The following FILIP1L variants were observed in gnomAD, a reference collection of about 807,000 sequenced individuals.
The protein encoded by FILIP1L is filamin A interacting protein 1 like, also known as filamin A-interacting protein 1-like.
In FILIP1L, 55 loss-of-function variants were observed where a neutral mutation model predicts 96.6. The observed-to-expected ratio is 0.57, with a 90% CI of 0.46 to 0.71. The LOEUF (loss-of-function observed/expected upper bound fraction) is 0.71. FILIP1L is among the 30% of genes least tolerant of loss of function. FILIP1L has a pLI of 0.00. For synonymous variants in FILIP1L, 467 were observed against 473.9 expected (o/e 0.99, Z 0.19); for missense variants, 1,304 against 1,321.2 (o/e 0.99, Z 0.20).
intron 1 of FILIP1L, among the ~76,000 whole-genome samples, chr3:99,961,622 G>C (rs1039777788): frequency 7.2e-5 from 11 of 152,070 alleles, no homozygotes; most frequent in African/African-American, 2.7e-4. Flanking sequence ...AGCTGGAAAG[G>C]CTCCTGGGAA....
At chr3:99,843,609 CACCTA>C (rs1305641188) in intron 5 of FILIP1L, among the ~76,000 whole-genome samples, 2 of 152,156 alleles carry the variant, frequency 1.3e-5, no homozygotes, top group Non-Finnish European at 2.9e-5. Flanking sequence ...ATGTTTAATA[CACCTA>C]ACCTACTGAA....
At chr3:100,033,199 A>G (rs532397012) in intron 1 of FILIP1L, among the ~76,000 whole-genome samples, 2 of 152,344 alleles carry the variant, frequency 1.3e-5, no homozygotes, top group African/African-American at 4.8e-5. Flanking sequence ...AGAAAAAATC[A>G]AACTAATTGT....
At chr3:100,059,427 T>C (rs1386869969) in intron 1 of FILIP1L, among the ~76,000 whole-genome samples, 1 of 152,232 alleles carries the variant, frequency 6.6e-6, no homozygotes, top group African/African-American at 2.4e-5. Flanking sequence ...TTTCCCCTGC[T>C]TCTTCACTCT....
chr3:99,974,576 G>A (rs1157670643), intron 1 of FILIP1L, among the ~76,000 whole-genome samples: 1 of 152,086 alleles, frequency 6.6e-6, no homozygotes, highest in African/African-American at 2.4e-5. Flanking sequence ...GGGTGGTGGT[G>A]TGTGCCTGTA....
chr3:100,023,938 TAAAG>T (rs1207717844), intron 1 of FILIP1L, among the ~76,000 whole-genome samples: 1 of 152,158 alleles, frequency 6.6e-6, no homozygotes, highest in Non-Finnish European at 1.5e-5. Flanking sequence ...TGCTAGCAGT[TAAAG>T]AAATCTTTAC....
At chr3:99,938,050 A>AGTGTGTGTGTGTGTGTGTGTGT in intron 1 of FILIP1L, among the ~76,000 whole-genome samples, 1 of 149,002 alleles carries the variant, frequency 6.7e-6, no homozygotes, top group African/African-American at 2.5e-5. Flanking sequence ...AGGCTCAGGA[A>AGTGTGTGTGTGTGTGTGTGTGT]GTGTGTGTGT....
intron 1 of FILIP1L, among the ~76,000 whole-genome samples, chr3:100,053,082 A>G (rs570733826): frequency 2.0e-5 from 3 of 152,238 alleles, no homozygotes; most frequent in Admixed American, 2.0e-4. Flanking sequence ...CCTTGTTGAC[A>G]GTATGCTTCC....
chr3:99,976,749 C>CA (rs1385568608), intron 1 of FILIP1L, among the ~76,000 whole-genome samples: 1 of 152,126 alleles, frequency 6.6e-6, no homozygotes, highest in Admixed American at 6.5e-5. Flanking sequence ...TTACCCTACT[C>CA]AGAGTTCTTC....
chr3:99,960,146 C>T (rs1361606023), intron 1 of FILIP1L, among the ~76,000 whole-genome samples: 2 of 152,172 alleles, frequency 1.3e-5, no homozygotes, highest in Non-Finnish European at 2.9e-5. Flanking sequence ...AGCTCACAAC[C>T]TGCCAAGTAC....
At chr3:99,905,306 C>A (rs1418671528) in intron 4 of FILIP1L, among the ~76,000 whole-genome samples, 2 of 152,162 alleles carry the variant, frequency 1.3e-5, no homozygotes, top group Admixed American at 1.3e-4. Context: ...TCCATCTAGT[C>A]CCATGTGTGC....
At chr3:100,054,933 C>T (rs1489583438) in intron 1 of FILIP1L, among the ~76,000 whole-genome samples, 1 of 152,204 alleles carries the variant, frequency 6.6e-6, no homozygotes, top group African/African-American at 2.4e-5. Flanking sequence ...TTAATCACAA[C>T]ATAGTTCCTT....
At chr3:99,999,319 T>C (rs1293694800) in intron 1 of FILIP1L, among the ~76,000 whole-genome samples, 2 of 152,224 alleles carry the variant, frequency 1.3e-5, no homozygotes, top group East Asian at 3.8e-4. Context: ...TTACTGTGTT[T>C]CTCTCCCACT....
At position 99,930,974 on chromosome 3, in the gene FILIP1L, A is replaced by G; in HGVS notation, c.47T>C (p.Phe16Ser). The change falls in exon 2 of 6, where the codon TTT becomes TCT. Residue 16 changes from phenylalanine to serine, a missense_variant. By Grantham distance (155) the Phe-to-Ser change is radical. Coordinates refer to ENST00000477258, the MANE Select transcript of FILIP1L (RefSeq NM_001387850.1). Reference protein sequence around the residue: ...SDTEGSAQKKFPRHTKGHSFQ... With the variant: ...SDTEGSAQKKSPRHTKGHSFQ... ...ACTGTGGCCTTTAGTATGTCTTGGA[A>G]ATTTCTTTTGGGCTGAGCCCTCGGT... 1 of 1,613,622 alleles carries G rather than the reference A, an allele frequency of 6.2e-7. No homozygotes were observed. Among genetic ancestry groups the G allele is most frequent in the Non-Finnish European group, 8.5e-7 (1 of 1,179,914 alleles).
intron 4 of FILIP1L, among the ~76,000 whole-genome samples, chr3:99,874,991 T>C (rs1705437783): frequency 6.6e-6 from 1 of 152,210 alleles, no homozygotes; most frequent in Non-Finnish European, 1.5e-5. Context: ...ATTCTGAGTT[T>C]GAATTGTATA....
chr3:99,955,620 A>T (rs527754317), intron 1 of FILIP1L, among the ~76,000 whole-genome samples: 8 of 152,252 alleles, frequency 5.3e-5, no homozygotes, highest in African/African-American at 1.9e-4. Flanking sequence ...AATTAATCAT[A>T]TTTTCCTGGA....
chr3:100,012,959 A>G (rs1295384675), intron 1 of FILIP1L, among the ~76,000 whole-genome samples: 1 of 151,712 alleles, frequency 6.6e-6, no homozygotes, highest in Non-Finnish European at 1.5e-5. Flanking sequence ...TTATGTATGT[A>G]TGTATTTATT....
intron 4 of FILIP1L, 114 bp downstream of exon 4, chr3:99,924,116 G>A: frequency 1.2e-6 from 1 of 868,452 alleles, no homozygotes; most frequent in Non-Finnish European, 1.8e-6. Context: ...CCTGGACTAT[G>A]AGATCTTTGA....
intron 1 of FILIP1L, among the ~76,000 whole-genome samples, chr3:100,050,689 C>G (rs2065356515): frequency 6.6e-6 from 1 of 152,122 alleles, no homozygotes; most frequent in Admixed American, 6.5e-5. Flanking sequence ...CGCCACCTTG[C>G]CTGGCTAATT....
chr3:99,928,879 G>A (rs1707381163), intron 3 of FILIP1L, among the ~76,000 whole-genome samples: 1 of 152,112 alleles, frequency 6.6e-6, no homozygotes, highest in African/African-American at 2.4e-5. Context: ...ACAGACTTTG[G>A]GTGGTCTCAT....
Sources: gnomAD v4.1 joint callset for allele counts (sites outside exome capture counted in the v4.1 genomes callset) on GRCh38, gnomAD v4.1.1 for gene constraint, MANE v1.5 for transcripts, NCBI Gene and HGNC (gene_info 2026-07-23, HGNC 2026-07-21) for gene names.